TMEM253: variants seen among roughly 807,000 people sequenced by gnomAD.
TMEM253 encodes the protein transmembrane protein 253, also known as transmembrane protein C14orf176.
TMEM253 carries 22 observed loss-of-function variants against 20.3 expected under a neutral mutation model. That is an observed-to-expected ratio of 1.08 (90% CI 0.78 to 1.55). The LOEUF is 1.55. Ranked by LOEUF, TMEM253 falls within the 40% of genes most tolerant of loss-of-function variation. The probability of loss-of-function intolerance (pLI) is 0.00; values close to 1 mark genes in which losing one functional copy is unlikely to be tolerated. For synonymous variants in TMEM253, 92 were observed against 102.6 expected, an observed-to-expected ratio of 0.90 and a Z score of 0.62; for missense variants, 251 against 266.1, an observed-to-expected ratio of 0.94 and a Z score of 0.39.
exon 6 of TMEM253, chr14:21,102,745 G>A (rs1889727514): frequency 6.4e-7 from 1 of 1,550,994 alleles, no homozygotes; most frequent in South Asian, 1.2e-5. Flanking sequence ...GGATGCTGCA[G>A]GAGCCAGAGT....
exon 7 of TMEM253, chr14:21,103,621 C>A: frequency 4.7e-6 from 1 of 210,596 alleles, no homozygotes. Flanking sequence ...GCCCCAGTTC[C>A]CCTTTCGATC....
At chr14:21,099,827 G>A (rs932979762), upstream of TMEM253, among the ~76,000 whole-genome samples, 1 of 152,102 alleles carries the variant, frequency 6.6e-6, no homozygotes, top group Admixed American at 6.5e-5. Context: ...AGGTAGATCT[G>A]GGATTTGTTT....
In TMEM253 at chr14:21,101,319, C is replaced by A. The variant is rs1276978978; in HGVS notation, c.-25C>A. On this transcript the variant is annotated 5_prime_UTR_variant, in exon 2 of 7. Transcript: ENST00000556585. ...CGCATTTTTCCCAGCCTAGGAAGCACCTAATTCTTGTGGGCAAAGGAGCCA... is the reference window on the plus strand; with the variant it reads ...CGCATTTTTCCCAGCCTAGGAAGCAACTAATTCTTGTGGGCAAAGGAGCCA... The A allele has an allele frequency of 2.6e-6, 4 of 1,549,798 alleles. No homozygotes were observed. In the African/African-American group the frequency reaches 5.5e-5, roughly 21 times the overall value.
At chr14:21,100,540 T>C (rs1016090615), upstream of TMEM253, among the ~76,000 whole-genome samples, 2 of 151,592 alleles carry the variant, frequency 1.3e-5, no homozygotes, top group Non-Finnish European at 2.9e-5. Context: ...ATGAGATAGA[T>C]AGATAGATAG....
chr14:21,102,463 T>C (rs949558369), exon 5 of TMEM253: 2 of 1,551,586 alleles, frequency 1.3e-6, no homozygotes, highest in Middle Eastern at 1.7e-4. Context: ...ATAGTGGTGG[T>C]GGTCGAGGTG....
intron 6 of TMEM253, 124 bp downstream of exon 6, chr14:21,102,903 G>A: frequency 7.1e-7 from 1 of 1,417,048 alleles, no homozygotes; most frequent in Non-Finnish European, 9.3e-7. Flanking sequence ...GTCCTAGAAT[G>A]AAACTGATTG....
At chr14:21,102,195 A>C in intron 4 of TMEM253, 75 bp downstream of exon 4, 1 of 1,479,650 alleles carries the variant, frequency 6.8e-7, no homozygotes, top group Non-Finnish European at 9.1e-7. Flanking sequence ...CCTAGGAAGT[A>C]AGTGGCTAAG....
Position 21,102,404 on chromosome 14 carries a change from G to T in TMEM253, c.277-1G>T, listed in dbSNP as rs1423444265. 4.8e-5 allele frequency: 74 copies of T among 1,551,590 alleles called. No individual in the cohort carries two copies. The highest frequency in any genetic ancestry group is 6.0e-5 in the Non-Finnish European group (69 of 1,146,998). On this transcript the variant is annotated splice_acceptor_variant, in intron 4 of 6. Transcript: ENST00000556585. LOFTEE classifies it high-confidence loss of function. ...GCAGGGCTGAGCTGGCTCACTGGCA[G>T]GTGCGGGCCATGATGATATTCAACA...
chr14:21,103,302 C>G (rs755001481), exon 7 of TMEM253: 117 of 1,533,780 alleles, frequency 7.6e-5, no homozygotes, highest in Non-Finnish European at 9.5e-5. Flanking sequence ...CCACCAAACT[C>G]AGAAGCTTGC....
chr14:21,101,577 T>C, intron 2 of TMEM253, 126 bp downstream of exon 2: 1 of 889,706 alleles, frequency 1.1e-6, no homozygotes, highest in Non-Finnish European at 1.7e-6. Context: ...AGGTTCTGAA[T>C]GGGAGGAGGG....
At chr14:21,102,361 A>G (rs2139351977) in intron 4 of TMEM253, 44 bp from the exon 5 acceptor site, 2 of 1,546,520 alleles carry the variant, frequency 1.3e-6, no homozygotes, top group Non-Finnish European at 1.7e-6. Flanking sequence ...TGAGGTTGGA[A>G]TGACTCCCCT....
chr14:21,100,668 G>GA (rs1889578169), upstream of TMEM253, among the ~76,000 whole-genome samples: 1 of 152,184 alleles, frequency 6.6e-6, no homozygotes, highest in Non-Finnish European at 1.5e-5. Context: ...AAGAAAGAAG[G>GA]AAGGGAGACT....
chr14:21,100,240 C>A (rs573028165), upstream of TMEM253, among the ~76,000 whole-genome samples: 3 of 152,174 alleles, frequency 2.0e-5, no homozygotes, highest in South Asian at 6.2e-4. Context: ...GTGGCATGTG[C>A]CTGTGATCCC....
chr14:21,103,216 G>A (rs1403337399), exon 7 of TMEM253: 1 of 1,551,648 alleles, frequency 6.4e-7, no homozygotes. Flanking sequence ...ATGAGAGGGT[G>A]GGACAGCGGG....
At chr14:21,102,214 C>T in intron 4 of TMEM253, 94 bp downstream of exon 4, 1 of 1,451,612 alleles carries the variant, frequency 6.9e-7, no homozygotes, top group South Asian at 1.4e-5. Context: ...AGTGTTGACT[C>T]ATTCTCTCAG....
At chr14:21,100,717 A>G (rs1349930067), upstream of TMEM253, among the ~76,000 whole-genome samples, 1 of 152,226 alleles carries the variant, frequency 6.6e-6, no homozygotes, top group East Asian at 1.9e-4. Context: ...CTGGAATTCA[A>G]CCTTACCTGG....
chr14:21,102,597 C>A, intron 5 of TMEM253, 36 bp from the exon 6 acceptor site: 2 of 1,550,866 alleles, frequency 1.3e-6, no homozygotes, highest in Admixed American at 2.0e-5. Context: ...CAAACAGGTG[C>A]GGGGTCCCTG....
upstream of TMEM253, chr14:21,099,157 G>A (rs1453343595): frequency 1.5e-5 from 3 of 199,314 alleles, no homozygotes; most frequent in Non-Finnish European, 3.2e-5. Flanking sequence ...AGAAAGAAGT[G>A]GTACCTTCCT....
exon 7 of TMEM253, chr14:21,103,403 A>C: frequency 7.5e-7 from 1 of 1,329,392 alleles, no homozygotes; most frequent in Non-Finnish European, 1.0e-6. Flanking sequence ...TGTTAGGGGA[A>C]GATACACCTG....
Sources: gnomAD v4.1 joint callset for allele counts (sites outside exome capture counted in the v4.1 genomes callset) on GRCh38, gnomAD v4.1.1 for gene constraint, MANE v1.5 for transcripts, NCBI Gene and HGNC (gene_info 2026-07-23, HGNC 2026-07-21) for gene names.